Variants in PRSS23 observed in about 807,000 individuals in gnomAD.
PRSS23 encodes serine protease 23.
Under a neutral mutation model 34.7 loss-of-function variants are expected in PRSS23, and 25 were observed. The ratio of observed to expected loss-of-function variants is 0.72; its 90% confidence interval spans 0.53 to 1.01. The LOEUF is 1.01. Ranked by LOEUF, PRSS23 falls within the 50% of genes least tolerant of loss-of-function variation. PRSS23 has a pLI of 0.00. For missense variants in PRSS23, 445 were observed against 475.6 expected, an observed-to-expected ratio of 0.94 and a Z score of 0.60; for synonymous variants, 176 against 186.6, an observed-to-expected ratio of 0.94 and a Z score of 0.46.
chr11:86,856,416 C>G (rs551468160), intron 2 of PRSS23, among the ~76,000 whole-genome samples: 1 of 151,990 alleles, frequency 6.6e-6, no homozygotes, highest in African/African-American at 2.4e-5. Flanking sequence ...TCTAAGCTCC[C>G]CAGGTGATTT....
chr11:86,886,719 A>G (rs572190684), intron 2 of PRSS23, among the ~76,000 whole-genome samples: 1 of 152,270 alleles, frequency 6.6e-6, no homozygotes, highest in East Asian at 1.9e-4. Flanking sequence ...TGGGCAGATC[A>G]CTTGAGGTCA....
intron 1 of PRSS23, among the ~76,000 whole-genome samples, chr11:86,803,755 A>G (rs1296847504): frequency 6.6e-6 from 1 of 152,112 alleles, no homozygotes; most frequent in African/African-American, 2.4e-5. Flanking sequence ...CACAATTTGT[A>G]CAATAGAGAA....
At chr11:86,825,187 T>C (rs1948289658) in intron 2 of PRSS23, among the ~76,000 whole-genome samples, 1 of 151,862 alleles carries the variant, frequency 6.6e-6, no homozygotes, top group East Asian at 1.9e-4. Context: ...TGGTGTGAGA[T>C]GGTATCTCAT....
At chr11:86,943,631 T>A (rs974541582) in intron 2 of PRSS23, among the ~76,000 whole-genome samples, 12 of 141,712 alleles carry the variant, frequency 8.5e-5, no homozygotes, top group Non-Finnish European at 1.1e-4. Flanking sequence ...CTCAAAAAAA[T>A]AAAATAAAAT....
At chr11:86,833,393 G>A in intron 2 of PRSS23, 1 of 661,844 alleles carries the variant, frequency 1.5e-6, no homozygotes, top group Non-Finnish European at 2.8e-6. Flanking sequence ...GCCAGCTGCA[G>A]TTTTGGATCC....
intron 2 of PRSS23, among the ~76,000 whole-genome samples, chr11:86,887,469 G>C (rs1347211358): frequency 6.6e-6 from 1 of 151,336 alleles, no homozygotes; most frequent in Non-Finnish European, 1.5e-5. Flanking sequence ...GACTATCTCA[G>C]GAGGGAAATT....
chr11:86,841,876 C>A (rs1190281091), intron 2 of PRSS23, among the ~76,000 whole-genome samples: 2 of 152,208 alleles, frequency 1.3e-5, no homozygotes, highest in Non-Finnish European at 2.9e-5. Context: ...GGTACCATTC[C>A]TTCTGAAACT....
intron 1 of PRSS23, among the ~76,000 whole-genome samples, chr11:86,818,782 G>A (rs1948232912): frequency 6.6e-6 from 1 of 152,194 alleles, no homozygotes; most frequent in South Asian, 2.1e-4. Context: ...GCAGAGAGGG[G>A]CTTCCAAAGA....
intron 2 of PRSS23, among the ~76,000 whole-genome samples, chr11:86,940,571 C>T (rs1361465401): frequency 6.6e-6 from 1 of 152,078 alleles, no homozygotes; most frequent in Non-Finnish European, 1.5e-5. Flanking sequence ...TGTAAAAACA[C>T]CAACAGGGAC....
chr11:86,949,300 A>C (rs1460293385), intron 2 of PRSS23: 1 of 152,204 alleles, frequency 6.6e-6, no homozygotes, highest in Non-Finnish European at 1.5e-5. Flanking sequence ...CTATGGGCAT[A>C]AGGCTCAAAC....
intron 2 of PRSS23, among the ~76,000 whole-genome samples, chr11:86,869,718 C>G (rs1565371591): frequency 3.3e-5 from 5 of 152,160 alleles, no homozygotes; most frequent in Admixed American, 1.3e-4. Context: ...TGCTCACCAC[C>G]ACCAACTGCA....
chr11:86,869,142 A>G (rs11234842), intron 2 of PRSS23, among the ~76,000 whole-genome samples: 15,803 of 152,208 alleles, frequency 0.1, 1,147 homozygotes, highest in African/African-American at 0.21. Flanking sequence ...GGAGTGAAAA[A>G]CAGACATAAT....
chr11:86,881,831 G>T (rs992470383), intron 2 of PRSS23, among the ~76,000 whole-genome samples: 1 of 152,114 alleles, frequency 6.6e-6, no homozygotes, highest in Non-Finnish European at 1.5e-5. Context: ...ATTAGTGTGT[G>T]TCTTTCTAGC....
upstream of PRSS23, among the ~76,000 whole-genome samples, chr11:86,797,122 T>C (rs1947986326): frequency 6.6e-6 from 1 of 152,240 alleles, no homozygotes; most frequent in Non-Finnish European, 1.5e-5. Flanking sequence ...CTGAATGCAT[T>C]TTGAACAACT....
At chr11:86,908,470 G>C (rs970692359) in intron 2 of PRSS23, among the ~76,000 whole-genome samples, 4 of 152,184 alleles carry the variant, frequency 2.6e-5, no homozygotes, top group Non-Finnish European at 5.9e-5. Context: ...ATCCCAGGGA[G>C]GAACAGGAGG....
intron 2 of PRSS23, chr11:86,948,729 A>G (rs1158867392): frequency 1.3e-5 from 2 of 152,262 alleles, no homozygotes; most frequent in Non-Finnish European, 2.9e-5. Context: ...TTATTTAGTC[A>G]TTGACAAGTA....
chr11:86,926,048 C>T (rs757536590), intron 2 of PRSS23, among the ~76,000 whole-genome samples: 7 of 152,144 alleles, frequency 4.6e-5, no homozygotes, highest in Non-Finnish European at 7.4e-5. Context: ...GCTAGGTGCC[C>T]TACATTCATT....
At chr11:86,833,688 C>T (rs1281119449) in intron 2 of PRSS23, among the ~76,000 whole-genome samples, 1 of 152,102 alleles carries the variant, frequency 6.6e-6, no homozygotes, top group Non-Finnish European at 1.5e-5. Context: ...AGTAAGCTCT[C>T]TTATTGGTCG....
At chr11:86,882,978 C>A (rs1410083472) in intron 2 of PRSS23, among the ~76,000 whole-genome samples, 2 of 152,132 alleles carry the variant, frequency 1.3e-5, no homozygotes, top group South Asian at 4.1e-4. Context: ...TTTTCATACA[C>A]TTTTTGGCCA....
Sources: allele counts gnomAD v4.1 joint callset (sites outside exome capture counted in the v4.1 genomes callset), GRCh38; gene constraint gnomAD v4.1.1; transcripts MANE v1.5; gene names NCBI Gene and HGNC (gene_info 2026-07-23, HGNC 2026-07-21).